The following WWOX variants were observed in gnomAD, a reference collection of about 807,000 sequenced individuals.
WWOX encodes WW domain-containing oxidoreductase.
WWOX carries 69 observed loss-of-function variants against 46.2 expected under a neutral mutation model. The observed-to-expected ratio is 1.49, with a 90% CI of 1.23 to 1.82. The LOEUF (loss-of-function observed/expected upper bound fraction) is 1.82, where lower values mean the gene tolerates loss of function less well. WWOX is among the 40% of genes most tolerant of loss of function. WWOX has a pLI of 0.00. For missense variants in WWOX, 919 were observed against 542.6 expected (o/e 1.69, Z -6.89); for synonymous variants, 359 against 202.6 (o/e 1.77, Z -6.56).
intron 5 of WWOX, among the ~76,000 whole-genome samples, chr16:78,355,005 G>A (rs2151908957): frequency 6.6e-6 from 1 of 152,174 alleles, no homozygotes; most frequent in African/African-American, 2.4e-5. Context: ...GGTGGTGCAT[G>A]TCTGTAGTCA....
chr16:78,273,730 C>T (rs2079525821), intron 5 of WWOX, among the ~76,000 whole-genome samples: 1 of 152,178 alleles, frequency 6.6e-6, no homozygotes, highest in African/African-American at 2.4e-5. Context: ...ATTTGGCCAA[C>T]AGCTCTGAAG....
At chr16:78,632,278 G>T in intron 8 of WWOX, among the ~76,000 whole-genome samples, 1 of 152,154 alleles carries the variant, frequency 6.6e-6, no homozygotes, top group East Asian at 1.9e-4. Context: ...TTTTGGAGGG[G>T]AGTGAGGAAT....
chr16:78,679,408 A>T (rs528229236), intron 8 of WWOX, among the ~76,000 whole-genome samples: 17 of 152,028 alleles, frequency 1.1e-4, no homozygotes, highest in Non-Finnish European at 2.4e-4. Context: ...AAAATTAGCC[A>T]GGCATGGTGG....
intron 8 of WWOX, among the ~76,000 whole-genome samples, chr16:78,666,374 C>T (rs906813571): frequency 3.9e-5 from 6 of 152,146 alleles, no homozygotes; most frequent in East Asian, 1.9e-4. Flanking sequence ...TTACTGCCAT[C>T]GGCATGCCTA....
intron 8 of WWOX, among the ~76,000 whole-genome samples, chr16:78,572,167 C>T (rs1379304212): frequency 5.9e-5 from 9 of 152,238 alleles, no homozygotes; most frequent in African/African-American, 1.7e-4. Context: ...CCTGAAAGTC[C>T]TCCAAAAGCC....
chr16:78,735,994 G>T (rs1055307028), intron 8 of WWOX, among the ~76,000 whole-genome samples: 4 of 152,174 alleles, frequency 2.6e-5, no homozygotes, highest in Non-Finnish European at 5.9e-5. Context: ...AGCGATTCTG[G>T]CCTCTGTTGA....
rs1424334719 is a variant in WWOX at position 78,931,774 on chromosome 16, C to T, written c.1057-279834C>T. 2.6e-5 allele frequency among the ~76,000 whole-genome samples: 4 copies of T among 151,694 alleles called. No individual in the cohort carries two copies. The East Asian group carries it at 7.7e-4, about 29-fold the overall frequency. On this transcript the variant is annotated intron_variant, in intron 8 of 8. Coordinates refer to ENST00000566780, the MANE Select transcript of WWOX (RefSeq NM_016373.4). ...GGCAATTCCAGGTTAGCAGTACCCA[C>T]TTGATATGGTTTAGCTGTGTCTCCA...
At chr16:78,465,767 A>AT (rs1157086966) in intron 8 of WWOX, among the ~76,000 whole-genome samples, 2 of 152,168 alleles carry the variant, frequency 1.3e-5, no homozygotes, top group Non-Finnish European at 2.9e-5. Context: ...TAATCACCTT[A>AT]TTTTTTAAAA....
At chr16:78,581,414 A>C (rs151259654) in intron 8 of WWOX, among the ~76,000 whole-genome samples, 1 of 152,162 alleles carries the variant, frequency 6.6e-6, no homozygotes, top group East Asian at 1.9e-4. Flanking sequence ...GGTTGGAAAA[A>C]CTAACAGGAA....
intron 8 of WWOX, among the ~76,000 whole-genome samples, chr16:78,876,109 A>C (rs1045919462): frequency 3.3e-5 from 5 of 152,134 alleles, no homozygotes; most frequent in African/African-American, 1.2e-4. Flanking sequence ...AGATATTTCA[A>C]CTAGTTTACA....
chr16:78,532,811 C>G (rs1021888183), intron 8 of WWOX, among the ~76,000 whole-genome samples: 1 of 152,122 alleles, frequency 6.6e-6, no homozygotes, highest in African/African-American at 2.4e-5. Context: ...CTCCATGATT[C>G]AGTTACCTCC....
In WWOX at chr16:78,340,424, G is replaced by C. The variant is rs1326719130; in HGVS notation, c.517-46436G>C. On this transcript the variant is annotated intron_variant, in intron 5 of 8. Transcript: ENST00000566780. ...AGTGTTTACCCTGTTGGCCAGGCTG[G>C]TCATGAACTCCTGACCTCAGGTGAT... Among the ~76,000 whole-genome samples the C allele has an allele frequency of 2.5e-5, 3 of 119,888 alleles. 1 individual carries two copies. The highest frequency in any genetic ancestry group is 6.0e-5 in the Non-Finnish European group (3 of 50,238). 78.7% of individuals were successfully genotyped at this position (119,888 alleles called of 152,430 possible). A position where few individuals can be genotyped will look rare whatever the true frequency, so the allele number is the denominator to read the frequency against.
At chr16:78,998,237 C>G (rs577449864) in intron 8 of WWOX, among the ~76,000 whole-genome samples, 7 of 152,166 alleles carry the variant, frequency 4.6e-5, no homozygotes, top group Admixed American at 2.6e-4. Context: ...TTTTTCTCTT[C>G]TGCTGGGACC....
Position 78,902,383 on chromosome 16 carries a change from A to C in WWOX, c.1057-309225A>C, listed in dbSNP as rs969040644. ...GAGTCACCGCTGATTAATTACCTCAAGGACAAGGGGACGGTGACTTTTTCT... is the reference window on the plus strand; with the variant it reads ...GAGTCACCGCTGATTAATTACCTCACGGACAAGGGGACGGTGACTTTTTCT... On this transcript the variant is annotated intron_variant, in intron 8 of 8. Transcript: ENST00000566780. Among the ~76,000 whole-genome samples the C allele has an allele frequency of 3.9e-5, 6 of 152,226 alleles. No individual in the cohort carries two copies. The South Asian group carries it at 1.0e-3, about 26-fold the overall frequency.
chr16:78,757,171 G>C (rs1452612392), intron 8 of WWOX, among the ~76,000 whole-genome samples: 1 of 152,122 alleles, frequency 6.6e-6, no homozygotes, highest in Non-Finnish European at 1.5e-5. Context: ...AGAAATTCTT[G>C]TGCGAGATAA....
At chr16:78,925,545 C>T (rs373130962) in intron 8 of WWOX, among the ~76,000 whole-genome samples, 17 of 152,180 alleles carry the variant, frequency 1.1e-4, no homozygotes, top group African/African-American at 4.1e-4. Context: ...TGCTTCTTTC[C>T]ACTAGGGAGC....
chr16:78,718,045 A>G (rs1433387428), intron 8 of WWOX, among the ~76,000 whole-genome samples: 1 of 132,632 alleles, frequency 7.5e-6, no homozygotes, highest in Non-Finnish European at 1.6e-5. Context: ...CAGACTGCAA[A>G]CGTTATTTGC....
At chr16:79,061,169 C>A (rs184176500) in intron 8 of WWOX, among the ~76,000 whole-genome samples, 31 of 152,274 alleles carry the variant, frequency 2.0e-4, no homozygotes, top group Admixed American at 8.5e-4. Context: ...ATAACCAGAT[C>A]TCATTTTGTG....
chr16:78,889,513 G>C (rs993604369), intron 8 of WWOX, among the ~76,000 whole-genome samples: 2 of 152,006 alleles, frequency 1.3e-5, no homozygotes, highest in Non-Finnish European at 2.9e-5. Context: ...CAAATATAAT[G>C]TATTTTAGTG....
Sources: gnomAD v4.1 joint callset for allele counts (sites outside exome capture counted in the v4.1 genomes callset) on GRCh38, gnomAD v4.1.1 for gene constraint, MANE v1.5 for transcripts, NCBI Gene and HGNC (gene_info 2026-07-23, HGNC 2026-07-21) for gene names.